The following CHAC2 variants were observed in gnomAD, a reference collection of about 807,000 sequenced individuals.
CHAC2 encodes glutathione-specific gamma-glutamylcyclotransferase 2.
In CHAC2, 20 loss-of-function variants were observed where a neutral mutation model predicts 16.9. That is an observed-to-expected ratio of 1.18 (90% confidence interval 0.83 to 1.72). The LOEUF (loss-of-function observed/expected upper bound fraction) is 1.72, where lower values mean the gene tolerates loss of function less well. Among genes scored for constraint, CHAC2 ranks in the 40% most tolerant of loss-of-function variants. The probability of loss-of-function intolerance (pLI) is 0.00; values close to 1 mark genes in which losing one functional copy is unlikely to be tolerated. For synonymous variants in CHAC2, 91 were observed against 77.3 expected (o/e 1.18, Z -0.93); for missense variants, 269 against 222.2 (o/e 1.21, Z -1.34).
At chr2:53,772,077 G>T (rs1026891180) in intron 2 of CHAC2, 135 bp downstream of exon 2, 3 of 579,018 alleles carry the variant, frequency 5.2e-6, no homozygotes, top group South Asian at 2.7e-5. Flanking sequence ...GTATTTGTGG[G>T]TTTTTTTTGT....
chr2:53,767,823 CA>C lies in CHAC2; in HGVS notation c.-63del. On this transcript the variant is annotated 5_prime_UTR_variant, in exon 1 of 3. Transcript: ENST00000295304. Reference sequence around the variant, plus strand: ...CCGGTTACTCGCTTACCGGAGGCTTCAGTCCCCGGCGGCGCGGCGACAGCTA... The same window carrying C: ...CCGGTTACTCGCTTACCGGAGGCTTCGTCCCCGGCGGCGCGGCGACAGCTA... The C allele has an allele frequency of 2.6e-6, 4 of 1,545,242 alleles. No individual in the cohort carries two copies. Among genetic ancestry groups the C allele is most frequent in the Non-Finnish European group, 3.5e-6 (4 of 1,141,306 alleles).
chr2:53,772,460 C>T (rs1674008805), intron 2 of CHAC2, among the ~76,000 whole-genome samples: 1 of 152,050 alleles, frequency 6.6e-6, no homozygotes, highest in Non-Finnish European at 1.5e-5. Context: ...AGGCATGAGC[C>T]ACCGCGCCCA....
chr2:53,769,268 C>T (rs1352366204), intron 1 of CHAC2, among the ~76,000 whole-genome samples: 1 of 152,150 alleles, frequency 6.6e-6, no homozygotes, highest in Non-Finnish European at 1.5e-5. Context: ...CCCAACACTT[C>T]GGAAGTTTGA....
At chr2:53,770,411 T>C (rs184059184) in intron 1 of CHAC2, among the ~76,000 whole-genome samples, 70 of 150,690 alleles carry the variant, frequency 4.6e-4, no homozygotes, top group African/African-American at 1.6e-3. Flanking sequence ...GTAGGTAAAA[T>C]TGTGGCTTAT....
In CHAC2 at chr2:53,774,179, GA is replaced by G. The variant is rs1432469791; in HGVS notation, c.212del (p.Lys71ArgfsTer5). 6.2e-7 allele frequency: 1 copy of G among 1,612,264 alleles called. No homozygotes were observed. The highest frequency in any genetic ancestry group is 2.2e-5 in the East Asian group (1 of 44,868). On this transcript the variant is annotated frameshift_variant, in exon 3 of 3. Transcript: ENST00000295304. LOFTEE classifies it high-confidence loss of function. ...GGTGTTGCTTACAGATTGCCAGTAG[GA>G]AAGGAAGAAGAAGTAAAAGCATACC... is the stretch of plus-strand genomic sequence containing the variant. The part of the protein sequence containing the change: ...VWGVAYRLPV[G>X]KEEEVKAYLD...
rs1558574228 is a variant in CHAC2, at chr2:53,771,915, A to G, written c.144A>G (p.Arg48=). The G allele has an allele frequency of 5.7e-6, 9 of 1,566,982 alleles. No individual in the cohort carries two copies. The highest frequency in any genetic ancestry group is 7.8e-6 in the Non-Finnish European group (9 of 1,152,816). Residue 48 remains arginine, a synonymous_variant, in exon 2 of 3, where the codon AGA becomes AGG. Transcript: ENST00000295304. The stretch of plus-strand genomic sequence containing the variant: ...TTACCTTTTTAAAACAGCCTGGAAG[A>G]GTTGTGACTCTTGTTGAAGATCCTG... ...DHRGVPGKPG[R]VVTLVEDPAG...
At chr2:53,772,197 CAG>C (rs1211145987) in intron 2 of CHAC2, among the ~76,000 whole-genome samples, 4 of 151,942 alleles carry the variant, frequency 2.6e-5, no homozygotes, top group Admixed American at 2.6e-4. Context: ...TTTTTTGAGA[CAG>C]AGTCTAGCTC....
At chr2:53,768,793 T>C (rs546128471) in intron 1 of CHAC2, among the ~76,000 whole-genome samples, 1 of 152,356 alleles carries the variant, frequency 6.6e-6, no homozygotes, top group Non-Finnish European at 1.5e-5. Flanking sequence ...GTATAGAGAA[T>C]TAGCAGCAGC....
chr2:53,771,317 C>A (rs113392127), intron 1 of CHAC2, among the ~76,000 whole-genome samples: 8,609 of 152,144 alleles, frequency 0.057, 449 homozygotes, highest in East Asian at 0.28. Flanking sequence ...GAGTTCCATA[C>A]CAGCCTGGCC....
At chr2:53,773,283 T>TA (rs931409515) in intron 2 of CHAC2, among the ~76,000 whole-genome samples, 3 of 150,096 alleles carry the variant, frequency 2.0e-5, no homozygotes, top group Non-Finnish European at 2.9e-5. Flanking sequence ...AAGACCAAAT[T>TA]AAAAAAAAAT....
chr2:53,771,797 C>T (rs1003246973), intron 1 of CHAC2, 110 bp from the exon 2 acceptor site: 17 of 730,194 alleles, frequency 2.3e-5, no homozygotes, highest in Non-Finnish European at 4.1e-5. Context: ...AATAGTGCTT[C>T]TTATGAGCAA....
chr2:53,772,881 C>T (rs769402814), intron 2 of CHAC2, among the ~76,000 whole-genome samples: 3 of 152,082 alleles, frequency 2.0e-5, no homozygotes, highest in African/African-American at 7.2e-5. Context: ...TCCACCCTCC[C>T]GTAGACCCCA....
At chr2:53,768,339 AG>A in intron 1 of CHAC2, 1 of 250,830 alleles carries the variant, frequency 4.0e-6, no homozygotes, top group Non-Finnish European at 7.6e-6. Flanking sequence ...CTCTGCCAAA[AG>A]AAAAAAAGTC....
At chr2:53,771,547 C>T (rs538037952) in intron 1 of CHAC2, among the ~76,000 whole-genome samples, 2 of 152,230 alleles carry the variant, frequency 1.3e-5, no homozygotes, top group Admixed American at 1.3e-4. Flanking sequence ...AAAACTATAA[C>T]ATTCTTTTTT....
intron 1 of CHAC2, among the ~76,000 whole-genome samples, chr2:53,769,185 T>C (rs1356441656): frequency 1.3e-5 from 2 of 152,172 alleles, no homozygotes; most frequent in Admixed American, 6.5e-5. Flanking sequence ...TTCAAGACAT[T>C]AAAGAACTAA....
Position 53,774,309 on chromosome 2 carries a change from T to G in CHAC2, c.339T>G (p.Cys113Trp), listed in dbSNP as rs1674173950. Residue 113 changes from cysteine (C) to tryptophan (W), a missense_variant, in exon 3 of 3, where the codon TGT becomes TGG. Coordinates refer to ENST00000295304, the MANE Select transcript of CHAC2 (RefSeq NM_001008708.4). ...GTGTATTGCTATATATTGGAACATG[T>G]GATAATCCTGATTATCTTGGTCCTG... is the stretch of plus-strand genomic sequence containing the variant. ...PFSVLLYIGT[C>W]DNPDYLGPAP... 9 of 1,613,736 alleles carry G rather than the reference T, an allele frequency of 5.6e-6. No individual in the cohort carries two copies. Among genetic ancestry groups the G allele is most frequent in the Non-Finnish European group, 6.8e-6 (8 of 1,179,922 alleles).
In CHAC2 at chr2:53,771,469, C is replaced by T. The variant is rs188820689; in HGVS notation, c.136-438C>T. ...TGGAGGTTGCAGTGAGCCAAGATCG[C>T]ACCACTGCACTCCAGCCTGGGCTTG... On this transcript the variant is annotated intron_variant, in intron 1 of 2. Transcript: ENST00000295304. Among the ~76,000 whole-genome samples, 22 of 152,156 alleles carry T rather than the reference C, an allele frequency of 1.4e-4. No individual in the cohort carries two copies. In the East Asian group the frequency reaches 1.9e-3, roughly 13 times the overall value.
At chr2:53,770,679 T>C (rs1673841804) in intron 1 of CHAC2, among the ~76,000 whole-genome samples, 1 of 152,140 alleles carries the variant, frequency 6.6e-6, no homozygotes, top group Non-Finnish European at 1.5e-5. Flanking sequence ...TCATAATATA[T>C]CATTTCAACC....
In CHAC2 at chr2:53,767,866, G is replaced by C. The variant is rs114675546; in HGVS notation, c.-21G>C. On this transcript the variant is annotated 5_prime_UTR_variant, in exon 1 of 3. Transcript: ENST00000295304. ...CGACAGCTAGGGTTCACGGCCACTG[G>C]GGCAGAGGAGCCGCGAGAAGATGTG... 1 of 1,594,982 alleles carries C rather than the reference G, an allele frequency of 6.3e-7. No individual in the cohort carries two copies.
Sources: gnomAD v4.1 joint callset for allele counts (sites outside exome capture counted in the v4.1 genomes callset) on GRCh38, gnomAD v4.1.1 for gene constraint, MANE v1.5 for transcripts, NCBI Gene and HGNC (gene_info 2026-07-23, HGNC 2026-07-21) for gene names.